Variants in OLAH observed in about 807,000 individuals in gnomAD.
OLAH encodes the protein oleoyl-ACP hydrolase, also known as S-acyl fatty acid synthase thioesterase, medium chain.
In OLAH, 33 loss-of-function variants were observed where a neutral mutation model predicts 27.8. The observed-to-expected ratio is 1.19, with a 90% CI of 0.90 to 1.59. OLAH has a LOEUF of 1.59. Among genes scored for constraint, OLAH ranks in the 40% most tolerant of loss-of-function variants. The probability of loss-of-function intolerance (pLI) is 0.00; values close to 1 mark genes in which losing one functional copy is unlikely to be tolerated. For synonymous variants in OLAH, 120 were observed against 102.9 expected, an observed-to-expected ratio of 1.17 and a Z score of -1.01; for missense variants, 359 against 310.8, an observed-to-expected ratio of 1.16 and a Z score of -1.17.
chr10:15,035,836 C>G (rs1462280286), intron 1 of OLAH, among the ~76,000 whole-genome samples: 3 of 152,086 alleles, frequency 2.0e-5, no homozygotes, highest in African/African-American at 7.2e-5. Flanking sequence ...AATCACAGAG[C>G]GTCAAACAAA....
chr10:15,040,022 C>T (rs116503404), upstream of OLAH, among the ~76,000 whole-genome samples: 740 of 152,294 alleles, frequency 4.9e-3, 8 homozygotes, highest in African/African-American at 0.017. Flanking sequence ...AAGTCTCAGA[C>T]TTTGAAATTT....
intron 6 of OLAH, 28 bp from the exon 7 acceptor site, chr10:15,071,767 T>C: frequency 1.3e-6 from 2 of 1,566,150 alleles, no homozygotes; most frequent in East Asian, 4.5e-5. Flanking sequence ...TTTCAAACAA[T>C]TACTAACCAG....
intron 1 of OLAH, among the ~76,000 whole-genome samples, chr10:15,036,496 C>T (rs1232586971): frequency 6.6e-6 from 1 of 151,940 alleles, no homozygotes; most frequent in Non-Finnish European, 1.5e-5. Context: ...AGACTCTATC[C>T]CCCCAAAAAA....
upstream of OLAH, among the ~76,000 whole-genome samples, chr10:15,039,695 G>A (rs12770411): frequency 2.6e-5 from 4 of 152,246 alleles, no homozygotes; most frequent in South Asian, 8.3e-4. Context: ...CTGGAAAGAG[G>A]CCTGTCTGTA....
At chr10:15,036,240 G>A (rs988179698) in intron 1 of OLAH, among the ~76,000 whole-genome samples, 1 of 152,112 alleles carries the variant, frequency 6.6e-6, no homozygotes, top group Non-Finnish European at 1.5e-5. Flanking sequence ...ACTCATGCCT[G>A]TAATCCTAGC....
At chr10:15,041,332 G>A (rs755611187), upstream of OLAH, among the ~76,000 whole-genome samples, 2 of 151,138 alleles carry the variant, frequency 1.3e-5, no homozygotes, top group Non-Finnish European at 2.9e-5. Context: ...AGGCTGGAGT[G>A]CAATGGTGCG....
chr10:15,046,668 G>A (rs536328990), intron 1 of OLAH, among the ~76,000 whole-genome samples: 7 of 152,034 alleles, frequency 4.6e-5, no homozygotes, highest in African/African-American at 1.7e-4. Context: ...GGGTTTCACC[G>A]TGTTGGCCAG....
chr10:15,061,594 C>T, intron 3 of OLAH, 130 bp from the exon 4 acceptor site: 1 of 775,610 alleles, frequency 1.3e-6, no homozygotes, highest in South Asian at 4.4e-5. Context: ...AAACTTTTAC[C>T]TTGCTGGACT....
At chr10:15,058,358 G>T (rs1844287546) in intron 3 of OLAH, among the ~76,000 whole-genome samples, 1 of 152,062 alleles carries the variant, frequency 6.6e-6, no homozygotes. Context: ...CTCCCAAAGT[G>T]CTGGAATTAT....
chr10:15,061,198 C>T (rs917903816), intron 3 of OLAH, among the ~76,000 whole-genome samples: 3 of 152,126 alleles, frequency 2.0e-5, no homozygotes, highest in African/African-American at 7.2e-5. Context: ...CCATCCAGAG[C>T]CAAGGCAAAA....
rs532035516 is a variant in OLAH, at chr10:15,072,103, T to C, written c.655+226T>C. Among the ~76,000 whole-genome samples the C allele has an allele frequency of 3.3e-5, 5 of 152,196 alleles. No homozygotes were observed. The East Asian group carries it at 9.7e-4, about 29-fold the overall frequency. ...TGCCGGCCACCATACCCGGCTATTT[T>C]TTGTATTTTTAGTAGAGATGGGGTT... is the stretch of plus-strand genomic sequence containing the variant. On this transcript the variant is annotated intron_variant, in intron 7 of 7. Coordinates refer to ENST00000378228, the MANE Select transcript of OLAH (RefSeq NM_001039702.3).
chr10:15,064,873 T>C (rs1844437205), intron 5 of OLAH, among the ~76,000 whole-genome samples: 1 of 152,124 alleles, frequency 6.6e-6, no homozygotes, highest in Non-Finnish European at 1.5e-5. Context: ...GCCAGGCTGG[T>C]CTTGAACTCC....
At chr10:15,044,252 A>G (rs1292088719) in intron 1 of OLAH, among the ~76,000 whole-genome samples, 8 of 151,980 alleles carry the variant, frequency 5.3e-5, no homozygotes, top group African/African-American at 1.9e-4. Context: ...GATTAAATAA[A>G]CATTTTTCTC....
intron 4 of OLAH, 188 bp downstream of exon 4, chr10:15,062,050 T>A (rs1219971129): frequency 2.0e-6 from 1 of 494,704 alleles, no homozygotes; most frequent in African/African-American, 2.0e-5. Context: ...TTTTTTTTCC[T>A]TTTAGGCAAA....
rs1844425980 is a variant in OLAH, at chr10:15,064,408, G to T, written c.308G>T (p.Gly103Val). ...KPFAFFGHSM[G>V]SYIAFRTALG... is the part of the protein sequence containing the mutation. Reference sequence around the variant, plus strand: ...TTTTTCTTTGCTGAATTTAGTATGGGATCCTACATTGCTTTTAGGACTGCA... The same window carrying T: ...TTTTTCTTTGCTGAATTTAGTATGGTATCCTACATTGCTTTTAGGACTGCA... Residue 103 changes from glycine (G) to valine (V), a missense_variant, in exon 5 of 8, where the codon GGA (glycine) becomes GTA (valine). Physicochemically the swap from Gly to Val is moderately radical, Grantham distance 109. Transcript: ENST00000378228. The T allele has an allele frequency of 2.5e-6, 4 of 1,581,716 alleles. No individual in the cohort carries two copies. The highest frequency in any genetic ancestry group is 1.8e-5 in the Admixed American group (1 of 55,544).
At chr10:15,052,149 A>G (rs995491429) in intron 3 of OLAH, among the ~76,000 whole-genome samples, 2 of 152,090 alleles carry the variant, frequency 1.3e-5, no homozygotes, top group African/African-American at 2.4e-5. Flanking sequence ...TGAGCGTAGT[A>G]GTGCACGCCT....
At chr10:15,037,149 A>G (rs1051676368) in intron 1 of OLAH, among the ~76,000 whole-genome samples, 10 of 151,426 alleles carry the variant, frequency 6.6e-5, no homozygotes, top group Non-Finnish European at 1.2e-4. Flanking sequence ...ACAATTGCAC[A>G]TAACATTAAA....
At position 15,065,570 on chromosome 10, in the gene OLAH, G is replaced by T. The variant is rs538159794; in HGVS notation, c.403-14G>T. Reference sequence around the variant, plus strand: ...TATGAAATATCAGGCCTGTGTTGTTGTTCATGTTTCAAGTCAAAGGCCTGG... The same window carrying T: ...TATGAAATATCAGGCCTGTGTTGTTTTTCATGTTTCAAGTCAAAGGCCTGG... On this transcript the variant is annotated splice_polypyrimidine_tract_variant and intron_variant, in intron 5 of 7. Transcript: ENST00000378228. The T allele has an allele frequency of 3.1e-6, 5 of 1,603,100 alleles. No individual in the cohort carries two copies. The African/African-American group carries it at 5.4e-5, about 17-fold the overall frequency.
At chr10:15,057,233 T>G (rs1451891698) in intron 3 of OLAH, among the ~76,000 whole-genome samples, 1 of 152,190 alleles carries the variant, frequency 6.6e-6, no homozygotes, top group African/African-American at 2.4e-5. Context: ...GAGCCTGCCT[T>G]TTGTATATAG....
Sources: allele counts gnomAD v4.1 joint callset (sites outside exome capture counted in the v4.1 genomes callset), GRCh38; gene constraint gnomAD v4.1.1; transcripts MANE v1.5; gene names NCBI Gene and HGNC (gene_info 2026-07-23, HGNC 2026-07-21).